Variants in AGBL1 observed in about 807,000 individuals in gnomAD.
AGBL1 encodes AGBL carboxypeptidase 1, also known as cytosolic carboxypeptidase 4.
Under a neutral mutation model 118.9 loss-of-function variants are expected in AGBL1, and 130 were observed. The ratio of observed to expected loss-of-function variants is 1.09; its 90% CI spans 0.95 to 1.26. AGBL1 has a LOEUF of 1.26. AGBL1 is among the 50% of genes most tolerant of loss of function. AGBL1 has a pLI of 0.00. For missense variants in AGBL1, 1,584 were observed against 1,298.1 expected (o/e 1.22, Z -3.38); for synonymous variants, 555 against 478.9 (o/e 1.16, Z -2.08).
chr15:86,232,371 C>T (rs1327197997), intron 6 of AGBL1, among the ~76,000 whole-genome samples: 6 of 152,112 alleles, frequency 3.9e-5, no homozygotes, highest in Non-Finnish European at 1.5e-5. Flanking sequence ...TTATCTTGGC[C>T]GCGCTAGTCC....
At chr15:86,575,289 A>C (rs532802440) in intron 21 of AGBL1, among the ~76,000 whole-genome samples, 1 of 151,610 alleles carries the variant, frequency 6.6e-6, no homozygotes. Flanking sequence ...GCTTGAGCCT[A>C]GGAAGTCAGG....
At chr15:86,460,796 C>T (rs1416724470) in intron 18 of AGBL1, among the ~76,000 whole-genome samples, 1 of 152,174 alleles carries the variant, frequency 6.6e-6, no homozygotes, top group Non-Finnish European at 1.5e-5. Context: ...TGGTTCTGTG[C>T]CATTGACACT....
rs191603781 is a variant in AGBL1 at position 86,608,665 on chromosome 15, T to C, written c.2994+54128T>C. 7.9e-5 allele frequency among the ~76,000 whole-genome samples: 12 copies of C among 152,248 alleles called. No homozygotes were observed. In the East Asian group the frequency reaches 2.3e-3, roughly 29 times the overall value. On this transcript the variant is annotated intron_variant, in intron 21 of 22. Transcript: ENST00000614907. Reference sequence around the variant, plus strand: ...AGACCTGGCAGGTATCCAGGCAGGATGACGGCAGCATACCGGAGAACTCTG... The same window carrying C: ...AGACCTGGCAGGTATCCAGGCAGGACGACGGCAGCATACCGGAGAACTCTG...
rs1383976995 is a variant in AGBL1 at position 86,548,659 on chromosome 15, G to GCACA, written c.2817+2529_2817+2530insACAC. ...GAAGGATAGCCACACACACACACAT[G>GCACA]CACGCACACACACACACACACACAC... On this transcript the variant is annotated intron_variant, in intron 20 of 22. Coordinates refer to ENST00000614907, the MANE Select transcript of AGBL1 (RefSeq NM_001386094.1). Among the ~76,000 whole-genome samples, 180 of 101,032 alleles carry GCACA rather than the reference G, an allele frequency of 1.8e-3. 1 individual carries two copies. Among genetic ancestry groups the GCACA allele is most frequent in the African/African-American group, 7.7e-3 (176 of 22,996 alleles). The allele number at this position is 101,032 out of a possible 152,430, so 66.3% of individuals were successfully genotyped here.
Position 87,013,770 on chromosome 15 carries a change from T to C in AGBL1, c.3324-15055T>C, listed in dbSNP as rs79520259. On this transcript the variant is annotated intron_variant, in intron 24 of 24. Coordinates refer to the AGBL1 transcript ENST00000441037. The stretch of plus-strand genomic sequence containing the variant: ...ATTGTCCTCATTTAAAGAAGTTCAC[T>C]CAATGAGACATTAGTGACTTGTTTA... Among the ~76,000 whole-genome samples, 109 of 150,912 alleles carry C rather than the reference T, an allele frequency of 7.2e-4. 1 individual carries two copies. In the East Asian group the frequency reaches 0.018, roughly 24 times the overall value.
chr15:86,919,610 ACACC>A (rs2080464703), downstream of AGBL1, among the ~76,000 whole-genome samples: 1 of 147,056 alleles, frequency 6.8e-6, no homozygotes, highest in African/African-American at 2.5e-5. Flanking sequence ...ACACACACAC[ACACC>A]CGACTACCTA....
chr15:86,976,634 GCT>G (rs1162365645), intron 23 of AGBL1, among the ~76,000 whole-genome samples: 1 of 151,824 alleles, frequency 6.6e-6, no homozygotes, highest in African/African-American at 2.4e-5. Flanking sequence ...TAATTCTAAA[GCT>G]CTCTTACACT....
chr15:86,579,555 C>G (rs918175245), intron 21 of AGBL1, among the ~76,000 whole-genome samples: 4 of 152,008 alleles, frequency 2.6e-5, no homozygotes, highest in African/African-American at 9.7e-5. Flanking sequence ...TTTTTGGGCA[C>G]TTATTGGGGA....
intron 16 of AGBL1, 150 bp from the exon 17 acceptor site, chr15:86,295,105 C>T (rs1009609055): frequency 2.0e-5 from 17 of 834,574 alleles, no homozygotes; most frequent in Admixed American, 1.5e-4. Context: ...GTAGAAATAG[C>T]CCCCTTTTAA....
chr15:86,530,638 C>G (rs2083336870), intron 19 of AGBL1, among the ~76,000 whole-genome samples: 2 of 151,914 alleles, frequency 1.3e-5, no homozygotes, highest in African/African-American at 4.8e-5. Flanking sequence ...CTCTCCACCC[C>G]AAATCAACAG....
At chr15:86,764,446 CTG>C (rs973959763) in intron 22 of AGBL1, among the ~76,000 whole-genome samples, 2 of 151,950 alleles carry the variant, frequency 1.3e-5, no homozygotes, top group African/African-American at 4.8e-5. Flanking sequence ...GTCTAATGCT[CTG>C]TGTGGGTGGA....
At chr15:87,010,613 C>G (rs754180435) in intron 24 of AGBL1, among the ~76,000 whole-genome samples, 8 of 152,190 alleles carry the variant, frequency 5.3e-5, no homozygotes, top group Non-Finnish European at 1.0e-4. Context: ...CAACTTGCGC[C>G]ATTCCCCTGC....
intron 6 of AGBL1, among the ~76,000 whole-genome samples, chr15:86,238,453 A>G (rs902771232): frequency 6.6e-6 from 1 of 152,224 alleles, no homozygotes; most frequent in African/African-American, 2.4e-5. Flanking sequence ...GGCTTTCCGG[A>G]CAAAGGCCTG....
At chr15:87,007,942 C>T (rs921551883) in intron 24 of AGBL1, among the ~76,000 whole-genome samples, 2 of 152,134 alleles carry the variant, frequency 1.3e-5, no homozygotes, top group Admixed American at 6.5e-5. Context: ...TCTCTGCAGC[C>T]TTTATAAGGA....
intron 5 of AGBL1, among the ~76,000 whole-genome samples, chr15:86,213,724 A>G (rs746002442): frequency 2.0e-5 from 3 of 152,302 alleles, no homozygotes; most frequent in South Asian, 2.1e-4. Context: ...CATCAAATAC[A>G]AGAATAACTC....
intron 22 of AGBL1, among the ~76,000 whole-genome samples, chr15:86,778,581 AAAG>A (rs1274580999): frequency 4.6e-5 from 7 of 152,188 alleles, no homozygotes; most frequent in Admixed American, 2.6e-4. Context: ...TTTGCTTTTG[AAAG>A]AAGAGAAATA....
chr15:86,677,114 C>T (rs1014895693), intron 22 of AGBL1, among the ~76,000 whole-genome samples: 2 of 152,168 alleles, frequency 1.3e-5, no homozygotes, highest in African/African-American at 4.8e-5. Flanking sequence ...GCCAGGAAGA[C>T]AAAGTGTGGC....
At chr15:86,635,097 T>G (rs2085053421) in intron 21 of AGBL1, among the ~76,000 whole-genome samples, 1 of 152,096 alleles carries the variant, frequency 6.6e-6, no homozygotes, top group African/African-American at 2.4e-5. Context: ...TAATGATATA[T>G]TCTCATTTAA....
At chr15:86,464,961 T>C (rs2082384036) in intron 18 of AGBL1, among the ~76,000 whole-genome samples, 1 of 152,038 alleles carries the variant, frequency 6.6e-6, no homozygotes, top group Non-Finnish European at 1.5e-5. Flanking sequence ...TCTTGCTGGG[T>C]TGGGGAGGTT....
Sources: allele counts gnomAD v4.1 joint callset (sites outside exome capture counted in the v4.1 genomes callset), GRCh38; gene constraint gnomAD v4.1.1; transcripts MANE v1.5; gene names NCBI Gene and HGNC (gene_info 2026-07-23, HGNC 2026-07-21).